SPATA16: variants seen among roughly 807,000 people sequenced by gnomAD.
SPATA16 encodes the protein spermatogenesis associated 16.
SPATA16 carries 36 observed loss-of-function variants against 63.3 expected under a neutral mutation model. The observed-to-expected ratio is 0.57, with a 90% confidence interval of 0.44 to 0.75. The LOEUF (loss-of-function observed/expected upper bound fraction) is 0.75, where lower values mean the gene tolerates loss of function less well. Ranked by LOEUF, SPATA16 falls within the 30% of genes least tolerant of loss-of-function variation. The pLI, the probability that SPATA16 is intolerant of heterozygous loss-of-function variation, is 0.00. For synonymous variants in SPATA16, 203 were observed against 216.7 expected (o/e 0.94, Z 0.56); for missense variants, 646 against 679.3 (o/e 0.95, Z 0.54).
At chr3:172,978,276 G>T (rs1734216089) in intron 4 of SPATA16, among the ~76,000 whole-genome samples, 1 of 152,054 alleles carries the variant, frequency 6.6e-6, no homozygotes, top group East Asian at 1.9e-4. Flanking sequence ...ATTTTTCAAA[G>T]CTCTTAATGA....
intron 3 of SPATA16, among the ~76,000 whole-genome samples, chr3:173,020,070 T>G (rs989102788): frequency 2.7e-5 from 4 of 150,756 alleles, no homozygotes; most frequent in Non-Finnish European, 5.9e-5. Context: ...CCGAAGTGGG[T>G]AGATCACCTG....
intron 5 of SPATA16, among the ~76,000 whole-genome samples, chr3:172,962,231 G>A (rs866368078): frequency 3.3e-4 from 38 of 116,464 alleles, no homozygotes; most frequent in Admixed American, 2.4e-3. Flanking sequence ...TCCAGCCTGG[G>A]CAACAGAGCA....
chr3:173,006,533 C>T (rs1430555778), intron 4 of SPATA16, among the ~76,000 whole-genome samples: 1 of 152,210 alleles, frequency 6.6e-6, no homozygotes, highest in Non-Finnish European at 1.5e-5. Flanking sequence ...AAGTTAAACT[C>T]TCAACACTAC....
At chr3:172,982,926 T>C (rs564682282) in intron 4 of SPATA16, among the ~76,000 whole-genome samples, 7 of 151,246 alleles carry the variant, frequency 4.6e-5, no homozygotes, top group Non-Finnish European at 8.8e-5. Flanking sequence ...CAATAAGATA[T>C]GGGTAAACAA....
At chr3:172,897,632 G>GTATC (rs138613493) in intron 10 of SPATA16, among the ~76,000 whole-genome samples, 4,996 of 152,076 alleles carry the variant, frequency 0.033, 260 homozygotes, top group African/African-American at 0.11. Context: ...CATTTGTCTT[G>GTATC]TATCTTGCAA....
intron 2 of SPATA16, among the ~76,000 whole-genome samples, chr3:173,073,953 C>T (rs1480690820): frequency 6.6e-6 from 1 of 152,106 alleles, no homozygotes; most frequent in African/African-American, 2.4e-5. Context: ...CCTCTTGCAT[C>T]AGTGTGACCT....
chr3:172,973,348 CATAAAA>C (rs1212194818), intron 5 of SPATA16, among the ~76,000 whole-genome samples: 2 of 151,974 alleles, frequency 1.3e-5, no homozygotes, highest in Non-Finnish European at 2.9e-5. Flanking sequence ...AGCTCAAAAA[CATAAAA>C]ATAAAAAAAG....
At chr3:173,067,045 A>G (rs1388949505) in intron 2 of SPATA16, among the ~76,000 whole-genome samples, 3 of 152,150 alleles carry the variant, frequency 2.0e-5, no homozygotes, top group African/African-American at 7.2e-5. Flanking sequence ...GAATTTCTCA[A>G]TACCAAAATT....
At chr3:172,909,123 G>C (rs1732304364) in intron 10 of SPATA16, among the ~76,000 whole-genome samples, 1 of 152,124 alleles carries the variant, frequency 6.6e-6, no homozygotes, top group African/African-American at 2.4e-5. Flanking sequence ...CAGTGGTTGG[G>C]TAGAGTGGCT....
rs904929314 is a variant in SPATA16, at chr3:172,945,670, C to T, written c.1081+11007G>A. Among the ~76,000 whole-genome samples the T allele has an allele frequency of 2.0e-5, 3 of 152,276 alleles. 1 individual carries two copies. ...CAACATGGGGGCAGAACCCAGTCAG[C>T]ACCCATGGAGGGAGCATTTAGATCA... On this transcript the variant is annotated intron_variant, in intron 6 of 10. Coordinates refer to ENST00000351008, the MANE Select transcript of SPATA16 (RefSeq NM_031955.6).
chr3:173,018,689 GC>G, intron 4 of SPATA16, among the ~76,000 whole-genome samples: 1 of 152,100 alleles, frequency 6.6e-6, no homozygotes, highest in Non-Finnish European at 1.5e-5. Flanking sequence ...CTCGATTCCT[GC>G]AGATTTATCC....
intron 2 of SPATA16, among the ~76,000 whole-genome samples, chr3:173,116,684 G>C (rs1419491602): frequency 6.6e-6 from 1 of 152,134 alleles, no homozygotes; most frequent in African/African-American, 2.4e-5. Flanking sequence ...AGTAAAGATG[G>C]TTATGTTTAA....
chr3:173,138,637 T>A (rs934348646), intron 1 of SPATA16, among the ~76,000 whole-genome samples: 1 of 152,176 alleles, frequency 6.6e-6, no homozygotes, highest in Admixed American at 6.5e-5. Flanking sequence ...ATTCAGTAAT[T>A]ATAATACAAG....
intron 3 of SPATA16, among the ~76,000 whole-genome samples, chr3:173,046,270 A>C (rs1735953512): frequency 6.6e-6 from 1 of 152,026 alleles, no homozygotes; most frequent in Admixed American, 6.6e-5. Context: ...GTAAAAAATA[A>C]TACTTATATA....
At chr3:173,077,032 C>G (rs1482003960) in intron 2 of SPATA16, among the ~76,000 whole-genome samples, 1 of 152,118 alleles carries the variant, frequency 6.6e-6, no homozygotes, top group African/African-American at 2.4e-5. Flanking sequence ...ATATTATTTT[C>G]TCTTTGCTGA....
intron 6 of SPATA16, among the ~76,000 whole-genome samples, chr3:172,949,066 T>C (rs1733364012): frequency 6.6e-6 from 1 of 152,186 alleles, no homozygotes; most frequent in South Asian, 2.1e-4. Context: ...TAGGGAGTTG[T>C]TTGGGATTAA....
intron 2 of SPATA16, among the ~76,000 whole-genome samples, chr3:173,108,716 C>G (rs572010471): frequency 2.5e-4 from 38 of 152,320 alleles, no homozygotes; most frequent in African/African-American, 9.1e-4. Flanking sequence ...TATAATGGAG[C>G]AGCCCTATAC....
At chr3:172,935,279 G>A (rs1397939043) in intron 6 of SPATA16, among the ~76,000 whole-genome samples, 2 of 152,166 alleles carry the variant, frequency 1.3e-5, no homozygotes, top group Non-Finnish European at 2.9e-5. Context: ...GTAATGTGCT[G>A]TGAGCACACC....
chr3:173,052,914 G>A (rs568739180), intron 2 of SPATA16, among the ~76,000 whole-genome samples: 2 of 152,076 alleles, frequency 1.3e-5, no homozygotes, highest in Non-Finnish European at 2.9e-5. Context: ...GAAAAATTAA[G>A]TTAGGAGTTA....
Sources: allele counts gnomAD v4.1 joint callset (sites outside exome capture counted in the v4.1 genomes callset), GRCh38; gene constraint gnomAD v4.1.1; transcripts MANE v1.5; gene names NCBI Gene and HGNC (gene_info 2026-07-23, HGNC 2026-07-21).